Variants in CNP observed in about 807,000 individuals in gnomAD.
CNP encodes the protein 2',3'-cyclic nucleotide 3' phosphodiesterase, also known as 2',3'-cyclic-nucleotide 3'-phosphodiesterase.
Under a neutral mutation model 37.9 loss-of-function variants are expected in CNP, and 8 were observed. That is an observed-to-expected ratio of 0.21 (90% CI 0.12 to 0.38). The LOEUF is 0.38. Ranked by LOEUF, CNP falls within the 10% of genes least tolerant of loss-of-function variation. The pLI, the probability that CNP is intolerant of heterozygous loss-of-function variation, is 1.00. For missense variants in CNP, 457 were observed against 551.0 expected, an observed-to-expected ratio of 0.83 and a Z score of 1.71; for synonymous variants, 237 against 238.3, an observed-to-expected ratio of 0.99 and a Z score of 0.05.
Position 41,977,454 on chromosome 17 carries a change from C to T in CNP, c.*3530C>T, listed in dbSNP as rs2143076941. ...GAGTCTCACTCCCCTCCTTTCCCAA[C>T]ACTTCAGACTGCAAGTGAGCAAACC... is the stretch of plus-strand genomic sequence containing the variant. On this transcript the variant is annotated 3_prime_UTR_variant, in exon 4 of 4. Transcript: ENST00000393892. The T allele has an allele frequency of 2.5e-6, 2 of 791,490 alleles. No homozygotes were observed. The highest frequency in any genetic ancestry group is 2.4e-4 in the Middle Eastern group (1 of 4,246). The allele number at this position is 791,490 out of a possible 1,614,324, so 49.0% of individuals were successfully genotyped here.
Position 41,976,575 on chromosome 17 carries a change from G to T in CNP, c.*2651G>T. The T allele has an allele frequency of 2.7e-5, 23 of 851,166 alleles. No homozygotes were observed. The highest frequency in any genetic ancestry group is 3.6e-5 in the South Asian group (2 of 56,166). The allele number at this position is 851,166 out of a possible 1,614,324, so 52.7% of individuals were successfully genotyped here. ...TCGGTCTTCGGCATTGGTTCCCTTT[G>T]CTCCACCCCACTCACAGAGACACAG... On this transcript the variant is annotated 3_prime_UTR_variant, in exon 4 of 4. Coordinates refer to ENST00000393892, the MANE Select transcript of CNP (RefSeq NM_033133.5).
At position 41,976,693 on chromosome 17, in the gene CNP, G is replaced by A; in HGVS notation, c.*2769G>A. The stretch of plus-strand genomic sequence containing the variant: ...GTTTCCACATTCAAGATTAAACTGA[G>A]TGAATCTGCATTTTCTGGGTTCTGG... On this transcript the variant is annotated 3_prime_UTR_variant, in exon 4 of 4. Coordinates refer to ENST00000393892, the MANE Select transcript of CNP (RefSeq NM_033133.5). 2 of 1,605,026 alleles carry A rather than the reference G, an allele frequency of 1.2e-6. No homozygotes were observed. The highest frequency in any genetic ancestry group is 1.1e-5 in the South Asian group (1 of 90,588).
At position 41,973,721 on chromosome 17, in the gene CNP, G is replaced by A. The variant is rs1362329794; in HGVS notation, c.1063G>A (p.Glu355Lys). Reference sequence around the variant, plus strand: ...TGACCTCTTAGAGATTCTGCGGCAGGAGAAGGGGGGCAGCCGAGGCGAGGA... The same window carrying A: ...TGACCTCTTAGAGATTCTGCGGCAGAAGAAGGGGGGCAGCCGAGGCGAGGA... ...GLDLLEILRQ[E>K]KGGSRGEEVG... Residue 355 changes from glutamate to lysine, a missense_variant, in exon 4 of 4, where the codon GAG (glutamate) becomes AAG (lysine). Transcript: ENST00000393892. The A allele has an allele frequency of 2.5e-6, 4 of 1,611,898 alleles. No individual in the cohort carries two copies. Among genetic ancestry groups the A allele is most frequent in the Non-Finnish European group, 3.4e-6 (4 of 1,178,622 alleles).
At chr17:41,967,029 C>G in intron 1 of CNP, 142 bp downstream of exon 1, 2 of 1,001,486 alleles carry the variant, frequency 2.0e-6, no homozygotes, top group Non-Finnish European at 1.3e-6. Flanking sequence ...CAGGGCGGCC[C>G]TGAGGTCTGG....
rs529483360 is a variant in CNP at position 41,976,380 on chromosome 17, C to T, written c.*2456C>T. On this transcript the variant is annotated 3_prime_UTR_variant, in exon 4 of 4. Coordinates refer to ENST00000393892, the MANE Select transcript of CNP (RefSeq NM_033133.5). ...AGCTTGCTGCACCCCAAGTCCAGGT[C>T]GGGCTCAGCTCTGGCTCACAGACTG... is the stretch of plus-strand genomic sequence containing the variant. 2.4e-4 allele frequency: 61 copies of T among 254,918 alleles called. No individual in the cohort carries two copies. Among genetic ancestry groups the T allele is most frequent in the Admixed American group, 4.9e-4 (8 of 16,490 alleles). 15.8% of individuals were successfully genotyped at this position (254,918 alleles called of 1,614,324 possible).
In CNP at chr17:41,968,039, G is replaced by A. The variant is rs782153613; in HGVS notation, c.4-29G>A. ...CGGCGGGGAGCCCGCGAATGACCTGGGCTGACATCTCTTCCCCTCCTTACA... is the reference window on the plus strand; with the variant it reads ...CGGCGGGGAGCCCGCGAATGACCTGAGCTGACATCTCTTCCCCTCCTTACA... On this transcript the variant is annotated intron_variant, in intron 1 of 3. Coordinates refer to ENST00000393892, the MANE Select transcript of CNP (RefSeq NM_033133.5). This position sits in a 1 kb window ranked among gnomAD's most constrained non-coding sequence, Gnocchi z 4.8. 5 of 1,590,100 alleles carry A rather than the reference G, an allele frequency of 3.1e-6. No homozygotes were observed. Among genetic ancestry groups the A allele is most frequent in the Non-Finnish European group, 4.3e-6 (5 of 1,165,856 alleles).
Position 41,977,636 on chromosome 17 carries a change from C to T in CNP, c.*3712C>T, listed in dbSNP as rs2051127523. On this transcript the variant is annotated 3_prime_UTR_variant, in exon 4 of 4. Coordinates refer to ENST00000393892, the MANE Select transcript of CNP (RefSeq NM_033133.5). ...GAATGCCATTTGCACTTACACAAGA[C>T]TTTCCCCATACTCTGTCTCCCTATA... 1 of 248,360 alleles carries T rather than the reference C, an allele frequency of 4.0e-6. No homozygotes were observed. Among genetic ancestry groups the T allele is most frequent in the Non-Finnish European group, 7.8e-6 (1 of 127,984 alleles). 15.4% of individuals were successfully genotyped at this position (248,360 alleles called of 1,614,324 possible).
Position 41,972,020 on chromosome 17 carries a change from G to A in CNP, c.805G>A (p.Ala269Thr), listed in dbSNP as rs1476530258. 3.1e-6 allele frequency: 5 copies of A among 1,613,598 alleles called. No individual in the cohort carries two copies. The highest frequency in any genetic ancestry group is 2.2e-5 in the South Asian group (2 of 91,074). Residue 269 changes from alanine (A) to threonine (T), a missense_variant, in exon 3 of 4, where the codon GCT becomes ACT. Physicochemically the swap from Ala to Thr is moderately conservative, Grantham distance 58 (BLOSUM62 0). Around this residue, in one of 2 missense-constraint regions of CNP, gnomAD observed 291 missense variants for 291.7 expected, o/e 1.00. Transcript: ENST00000393892. ...GAAGGCTCCCGGGGCAGAGGAGTAC[G>A]CTCAACAAGATGTGAGTCTTCCCCA... ...YGKAPGAEEY[A>T]QQDVLKKSYS...
chr17:41,973,131 G>A (rs2051014938), intron 3 of CNP, among the ~76,000 whole-genome samples: 1 of 152,194 alleles, frequency 6.6e-6, no homozygotes, highest in African/African-American at 2.4e-5. Context: ...GGTAGGCTCT[G>A]GTTCTCCCTG....
chr17:41,976,875 C>T lies in CNP; in HGVS notation c.*2951C>T. The T allele has an allele frequency of 1.4e-6, 2 of 1,393,878 alleles. No individual in the cohort carries two copies. The highest frequency in any genetic ancestry group is 2.0e-6 in the Non-Finnish European group (2 of 1,022,562). The allele number at this position is 1,393,878 out of a possible 1,614,324, so 86.3% of individuals were successfully genotyped here. On this transcript the variant is annotated 3_prime_UTR_variant, in exon 4 of 4. Coordinates refer to ENST00000393892, the MANE Select transcript of CNP (RefSeq NM_033133.5). ...TCAAGGGCTGCTTCAAACTCAAACA[C>T]AGAGAGAAACTCTATGGGTATCAAA...
rs568335984 is a variant in CNP, at chr17:41,973,478, T to G, written c.820T>G (p.Leu274Val). The change falls in exon 4 of 4, where the codon TTA (leucine) becomes GTA (valine). Residue 274 changes from leucine (L) to valine (V), a missense_variant. Physicochemically the swap from Leu to Val is conservative, Grantham distance 32 (BLOSUM62 1). Coordinates refer to ENST00000393892, the MANE Select transcript of CNP (RefSeq NM_033133.5). Reference protein sequence around the residue: ...GAEEYAQQDVLKKSYSKAFTL... With the variant: ...GAEEYAQQDVVKKSYSKAFTL... Reference sequence around the variant, plus strand: ...CCCTCTTTCTCACTCTCCCCAGGTGTTAAAGAAATCTTACTCCAAGGCCTT... The same window carrying G: ...CCCTCTTTCTCACTCTCCCCAGGTGGTAAAGAAATCTTACTCCAAGGCCTT... The G allele has an allele frequency of 6.2e-7, 1 of 1,613,082 alleles. No individual in the cohort carries two copies. Among genetic ancestry groups the G allele is most frequent in the Non-Finnish European group, 8.5e-7 (1 of 1,179,490 alleles).
Position 41,968,024 on chromosome 17 carries a change from C to T in CNP, c.4-44C>T. 6.4e-7 allele frequency: 1 copy of T among 1,572,564 alleles called. No homozygotes were observed. Among genetic ancestry groups the T allele is most frequent in the Non-Finnish European group, 8.6e-7 (1 of 1,156,650 alleles). On this transcript the variant is annotated intron_variant, in intron 1 of 3. Transcript: ENST00000393892. The surrounding 1 kb of genome is among the most constrained non-coding windows in gnomAD (Gnocchi z 4.8). ...GACTAGGGGTAAGGCCGGCGGGGAG[C>T]CCGCGAATGACCTGGGCTGACATCT...
intron 2 of CNP, among the ~76,000 whole-genome samples, chr17:41,969,054 A>G (rs1367321209): frequency 3.9e-5 from 6 of 152,260 alleles, no homozygotes; most frequent in African/African-American, 1.4e-4. Context: ...GGGAAAAACA[A>G]ATTACTGTAG....
Position 41,969,725 on chromosome 17 carries a change from T to A in CNP, c.676+985T>A, listed in dbSNP as rs1481606371. Among the ~76,000 whole-genome samples the A allele has an allele frequency of 2.0e-5, 3 of 152,140 alleles. No homozygotes were observed. The East Asian group carries it at 5.8e-4, about 29-fold the overall frequency. On this transcript the variant is annotated intron_variant, in intron 2 of 3. Coordinates refer to ENST00000393892, the MANE Select transcript of CNP (RefSeq NM_033133.5). ...TGTGCACCACCACGTCCAGCTAATT[T>A]TTGTATTTTTAGTAGAGACGGAGTT...
In CNP at chr17:41,976,897, C is replaced by T; in HGVS notation, c.*2973C>T. On this transcript the variant is annotated 3_prime_UTR_variant, in exon 4 of 4. Transcript: ENST00000393892. The stretch of plus-strand genomic sequence containing the variant: ...ACACAGAGAGAAACTCTATGGGTAT[C>T]AAACAGCTCAGGCTGTTTTTGGGTG... 1.1e-5 allele frequency: 13 copies of T among 1,215,426 alleles called. No individual in the cohort carries two copies. Among genetic ancestry groups the T allele is most frequent in the Non-Finnish European group, 1.4e-5 (12 of 876,574 alleles). The allele number at this position is 1,215,426 out of a possible 1,614,324, so 75.3% of individuals were successfully genotyped here.
Position 41,967,869 on chromosome 17 carries a change from G to C in CNP, c.4-199G>C. On this transcript the variant is annotated intron_variant, in intron 1 of 3. Coordinates refer to ENST00000393892, the MANE Select transcript of CNP (RefSeq NM_033133.5). ...AGTGGCAGGAATGGGGAAAGCGCAC[G>C]CTTAGGAGAGCTTCAGACAAGCTTC... 1.4e-6 allele frequency: 2 copies of C among 1,417,692 alleles called. 1 individual carries two copies. The highest frequency in any genetic ancestry group is 3.2e-5 in the South Asian group (2 of 63,058). 87.8% of individuals were successfully genotyped at this position (1,417,692 alleles called of 1,614,324 possible).
At chr17:41,970,744 G>C (rs1483447304) in intron 2 of CNP, 1 of 152,144 alleles carries the variant, frequency 6.6e-6, no homozygotes, top group African/African-American at 2.4e-5. Flanking sequence ...AAATGTAATG[G>C]GCCAGCAAGG....
At chr17:41,969,664 T>C (rs1319397950) in intron 2 of CNP, among the ~76,000 whole-genome samples, 1 of 152,072 alleles carries the variant, frequency 6.6e-6, no homozygotes, top group Non-Finnish European at 1.5e-5. Context: ...CAAGCAATTC[T>C]CCTGCCTCAG....
rs181923810 is a variant in CNP at position 41,967,021 on chromosome 17, G to C, written c.3+134G>C. On this transcript the variant is annotated intron_variant, in intron 1 of 3. Coordinates refer to ENST00000393892, the MANE Select transcript of CNP (RefSeq NM_033133.5). ...CGACTTCCAGTTTTCTTGGTACTCA[G>C]GGCGGCCCTGAGGTCTGGGAGAAGC... is the stretch of plus-strand genomic sequence containing the variant. 1,021 of 1,073,776 alleles carry C rather than the reference G, an allele frequency of 9.5e-4. 9 individuals carry two copies. In the African/African-American group the frequency reaches 0.016, roughly 16 times the overall value. The allele number at this position is 1,073,776 out of a possible 1,614,324, so 66.5% of individuals were successfully genotyped here.
Sources: gnomAD v4.1 joint callset for allele counts (sites outside exome capture counted in the v4.1 genomes callset) on GRCh38, gnomAD v4.1.1 for gene constraint, gnomAD v4.1.1 regional missense constraint, Gnocchi (gnomAD v3.1) non-coding constraint, MANE v1.5 for transcripts, NCBI Gene and HGNC (gene_info 2026-07-23, HGNC 2026-07-21) for gene names.